Variants in ARNT2 observed in about 807,000 individuals in gnomAD.
The protein encoded by ARNT2 is ARNT protein 2.
In ARNT2, 36 loss-of-function variants were observed where a neutral mutation model predicts 91.7. The ratio of observed to expected loss-of-function variants is 0.39; its 90% CI spans 0.30 to 0.52. The LOEUF is 0.52. ARNT2 is among the 20% of genes least tolerant of loss of function. ARNT2 has a pLI of 0.72. For synonymous variants in ARNT2, 365 were observed against 347.1 expected (o/e 1.05, Z -0.57); for missense variants, 775 against 939.3 (o/e 0.83, Z 2.29).
Position 80,508,184 on chromosome 15 carries a change from G to A in ARNT2, c.651G>A (p.Thr217=), listed in dbSNP as rs771097823. The A allele has an allele frequency of 2.6e-5, 42 of 1,613,946 alleles. No homozygotes were observed. Among genetic ancestry groups the A allele is most frequent in the Admixed American group, 1.3e-4 (8 of 59,986 alleles). Residue 217 remains threonine, a synonymous_variant, in exon 6 of 19, where the codon ACG becomes ACA. Transcript: ENST00000303329. The part of the protein sequence containing the change: ...TGRILDLKTG[T]VKKEGQQSSM... ...GGATCTTGGACCTGAAGACTGGGAC[G>A]GTCAAGAAAGAAGGGCAGCAGTCAT...
chr15:80,494,414 A>C (rs1037079667), intron 5 of ARNT2, among the ~76,000 whole-genome samples: 1 of 152,182 alleles, frequency 6.6e-6, no homozygotes, highest in Admixed American at 6.5e-5. Context: ...TCCACAGCCA[A>C]GGAGGGTTAA....
chr15:80,577,833 G>A (rs964817683), intron 15 of ARNT2, among the ~76,000 whole-genome samples: 7 of 152,246 alleles, frequency 4.6e-5, no homozygotes, highest in African/African-American at 1.7e-4. Flanking sequence ...AGACATTGCA[G>A]GGGCTCTGGC....
In ARNT2 at chr15:80,593,820, TC is replaced by T; in HGVS notation, c.*127del. 1 of 867,876 alleles carries T rather than the reference TC, an allele frequency of 1.2e-6. No homozygotes were observed. 53.8% of individuals were successfully genotyped at this position (867,876 alleles called of 1,614,324 possible). A position where few individuals can be genotyped will look rare whatever the true frequency, so the allele number is the denominator to read the frequency against. ...CGCAGGCCCCCCACCAGAAGCCATC[TC>T]CCCCGCTGTGTGTCCCCAGGCGCAT... is the stretch of plus-strand genomic sequence containing the variant. On this transcript the variant is annotated 3_prime_UTR_variant, in exon 19 of 19. Coordinates refer to ENST00000303329, the MANE Select transcript of ARNT2 (RefSeq NM_014862.4).
intron 11 of ARNT2, among the ~76,000 whole-genome samples, chr15:80,557,966 G>A (rs1211417020): frequency 6.6e-6 from 1 of 152,326 alleles, no homozygotes; most frequent in Admixed American, 6.5e-5. Flanking sequence ...GCTTCATGCT[G>A]TATGTATACC....
chr15:80,522,548 G>T (rs1897566303), intron 8 of ARNT2, among the ~76,000 whole-genome samples: 1 of 152,094 alleles, frequency 6.6e-6, no homozygotes, highest in African/African-American at 2.4e-5. Context: ...GGCTATGTGG[G>T]ATAGCCTGTT....
chr15:80,531,692 A>G (rs1392575914), intron 8 of ARNT2, among the ~76,000 whole-genome samples: 1 of 152,230 alleles, frequency 6.6e-6, no homozygotes, highest in Admixed American at 6.5e-5. Flanking sequence ...ATCCTTGAGT[A>G]GGAGCTGGAT....
intron 5 of ARNT2, among the ~76,000 whole-genome samples, chr15:80,487,582 C>T (rs576409795): frequency 7.2e-5 from 11 of 152,218 alleles, no homozygotes; most frequent in South Asian, 6.2e-4. Context: ...CTGCAAGGTA[C>T]GGGCTCAGTT....
chr15:80,505,953 G>A (rs1444386756), intron 5 of ARNT2, among the ~76,000 whole-genome samples: 3 of 45,122 alleles, frequency 6.6e-5, no homozygotes, highest in South Asian at 4.4e-4. Context: ...TTTTTGAGAC[G>A]GAGTCTTGCT....
intron 14 of ARNT2, 92 bp downstream of exon 14, chr15:80,575,202 C>T (rs914450471): frequency 2.0e-6 from 3 of 1,510,264 alleles, no homozygotes; most frequent in Non-Finnish European, 2.7e-6. Flanking sequence ...TAAGAGGGGG[C>T]CACGGAAGGT....
At chr15:80,497,095 T>C (rs552220531) in intron 5 of ARNT2, among the ~76,000 whole-genome samples, 135 of 152,306 alleles carry the variant, frequency 8.9e-4, no homozygotes, top group African/African-American at 3.1e-3. Context: ...ATGTGGGCAA[T>C]ATACTAAAAG....
At chr15:80,444,946 T>G (rs1269663588) in intron 1 of ARNT2, 1 of 149,250 alleles carries the variant, frequency 6.7e-6, no homozygotes, top group Admixed American at 6.7e-5. Context: ...GTTGTGTGAG[T>G]GGTATGTGAT....
rs1359823923 is a variant in ARNT2, at chr15:80,404,632, C to A, written c.31+86C>A. 15 of 919,886 alleles carry A rather than the reference C, an allele frequency of 1.6e-5. No individual in the cohort carries two copies. The highest frequency in any genetic ancestry group is 1.1e-4 in the East Asian group (1 of 9,218). 57.0% of individuals were successfully genotyped at this position (919,886 alleles called of 1,614,324 possible). ...GCGGACCAGGCGCGCCGGGCGCCCC[C>A]GGGGGCGCGGAGCCGCAGCTCGGCG... is the stretch of plus-strand genomic sequence containing the variant. On this transcript the variant is annotated intron_variant, in intron 1 of 18. Transcript: ENST00000303329. The surrounding 1 kb of genome is among the most constrained non-coding windows in gnomAD (Gnocchi z 5.5).
At chr15:80,586,788 C>T (rs1893180028) in intron 17 of ARNT2, among the ~76,000 whole-genome samples, 1 of 150,334 alleles carries the variant, frequency 6.7e-6, no homozygotes, top group Non-Finnish European at 1.5e-5. Context: ...TTGCAGTGAG[C>T]CGAGATTGCA....
At chr15:80,500,591 C>A (rs976032992) in intron 5 of ARNT2, among the ~76,000 whole-genome samples, 1 of 152,106 alleles carries the variant, frequency 6.6e-6, no homozygotes, top group Non-Finnish European at 1.5e-5. Context: ...AAGTTACTAC[C>A]GACCAAAATA....
rs72732072 is a variant in ARNT2 at position 80,545,884 on chromosome 15, C to A, written c.878-5315C>A. Among the ~76,000 whole-genome samples the A allele has an allele frequency of 5.6e-3, 848 of 152,268 alleles. 8 individuals are homozygous for A. Among genetic ancestry groups the A allele is most frequent in the South Asian group, 8.9e-3 (43 of 4,820 alleles). On this transcript the variant is annotated intron_variant, in intron 8 of 18. Transcript: ENST00000303329. ...TTCTGCTGATGAATTTGAACCATCC[C>A]TTCACCCCGGAAGGATACAGGGAGG...
chr15:80,449,188 G>A (rs895443398), intron 1 of ARNT2, among the ~76,000 whole-genome samples: 1 of 152,162 alleles, frequency 6.6e-6, no homozygotes, highest in Non-Finnish European at 1.5e-5. Context: ...TCCAAGAAAG[G>A]GGGTAAGTGC....
chr15:80,409,314 A>G (rs77604024), intron 1 of ARNT2, among the ~76,000 whole-genome samples: 247 of 152,310 alleles, frequency 1.6e-3, no homozygotes, highest in African/African-American at 5.7e-3. Flanking sequence ...AAGTCATGTA[A>G]TTGGATTCAT....
chr15:80,495,441 A>G (rs1897113479), intron 5 of ARNT2, among the ~76,000 whole-genome samples: 1 of 152,224 alleles, frequency 6.6e-6, no homozygotes, highest in Non-Finnish European at 1.5e-5. Flanking sequence ...TGCTCCTAAA[A>G]TCTAAATTAT....
chr15:80,498,841 C>T (rs944289700), intron 5 of ARNT2, among the ~76,000 whole-genome samples: 9 of 152,240 alleles, frequency 5.9e-5, no homozygotes, highest in African/African-American at 2.2e-4. Flanking sequence ...CCTCACTGCC[C>T]ATCTGCTTCT....
Sources: allele counts gnomAD v4.1 joint callset (sites outside exome capture counted in the v4.1 genomes callset), GRCh38; gene constraint gnomAD v4.1.1; non-coding constraint Gnocchi (gnomAD v3.1); transcripts MANE v1.5; gene names NCBI Gene and HGNC (gene_info 2026-07-23, HGNC 2026-07-21).